The following PDLIM3 variants were observed in gnomAD, a reference collection of about 807,000 sequenced individuals.
PDLIM3 encodes PDZ and LIM domain protein 3.
PDLIM3 carries 36 observed loss-of-function variants against 37.3 expected under a neutral mutation model. The observed-to-expected ratio is 0.97, with a 90% confidence interval of 0.74 to 1.28. The LOEUF (loss-of-function observed/expected upper bound fraction) is 1.28, where lower values mean the gene tolerates loss of function less well. PDLIM3 is among the 50% of genes most tolerant of loss of function. The pLI is 0.00. For missense variants in PDLIM3, 454 were observed against 485.0 expected, an observed-to-expected ratio of 0.94 and a Z score of 0.60; for synonymous variants, 174 against 182.4, an observed-to-expected ratio of 0.95 and a Z score of 0.37.
rs527486529 is a variant in PDLIM3, at chr4:185,535,284, C to G, written c.93+58G>C. 5.5e-4 allele frequency: 803 copies of G among 1,459,638 alleles called. 3 individuals carry two copies. In the African/African-American group the frequency reaches 0.01, roughly 18 times the overall value. The allele number at this position is 1,459,638 out of a possible 1,614,324, so 90.4% of individuals were successfully genotyped here. On this transcript the variant is annotated intron_variant, in intron 1 of 7. Coordinates refer to ENST00000284767, the MANE Select transcript of PDLIM3 (RefSeq NM_014476.6). ...TCGGCCCCGGGGCATCCACTGCGTC[C>G]CCCCGGACGCCGCCGGAGTCCCCAC...
chr4:185,521,396 TTTC>T (rs1303842169), intron 3 of PDLIM3, among the ~76,000 whole-genome samples: 1 of 19,196 alleles, frequency 5.2e-5, no homozygotes, highest in African/African-American at 6.4e-5. Flanking sequence ...TTTCTTTTCT[TTTC>T]TTTTTTTTTT....
chr4:185,525,274 T>C (rs2095731181), intron 1 of PDLIM3, 103 bp from the exon 2 acceptor site: 2 of 1,141,066 alleles, frequency 1.8e-6, no homozygotes, highest in Non-Finnish European at 2.6e-6. Context: ...AAATGTTTAA[T>C]TGGGCAGAAA....
Position 185,513,421 on chromosome 4 carries a change from C to T in PDLIM3, c.398+849G>A, listed in dbSNP as rs1040651980. 6.3e-6 allele frequency: 6 copies of T among 945,432 alleles called. No individual in the cohort carries two copies. In the African/African-American group the frequency reaches 1.1e-4, roughly 17 times the overall value. 58.6% of individuals were successfully genotyped at this position (945,432 alleles called of 1,614,324 possible). On this transcript the variant is annotated intron_variant, in intron 4 of 7. Coordinates refer to ENST00000284767, the MANE Select transcript of PDLIM3 (RefSeq NM_014476.6). ...TGTCTAGAGGGGCCAGGAGGTCACA[C>T]ATGTATGAAAATGGGCCGTGTCTCA...
chr4:185,514,614 A>G lies in PDLIM3; in HGVS notation c.331-277T>C, dbSNP rs541023316. On this transcript the variant is annotated intron_variant, in intron 3 of 7. Coordinates refer to ENST00000284767, the MANE Select transcript of PDLIM3 (RefSeq NM_014476.6). The surrounding 1 kb of genome is among the most constrained non-coding windows in gnomAD (Gnocchi z 4.0). ...ATAGTGCCTTCAGGAAAGTAAAAAT[A>G]AAACAGCAAGAGCTGGACTTTTGAA... 2.9e-5 allele frequency: 39 copies of G among 1,363,694 alleles called. No homozygotes were observed. In the Middle Eastern group the frequency reaches 5.9e-4, roughly 21 times the overall value. 84.5% of individuals were successfully genotyped at this position (1,363,694 alleles called of 1,614,324 possible).
At chr4:185,526,540 T>C (rs767470738) in intron 1 of PDLIM3, among the ~76,000 whole-genome samples, 15 of 152,206 alleles carry the variant, frequency 9.9e-5, no homozygotes, top group Non-Finnish European at 1.8e-4. Context: ...AATAGGAAGT[T>C]TGTAATTATT....
In PDLIM3 at chr4:185,509,569, T is replaced by C. The variant is rs909263591; in HGVS notation, c.399-1007A>G. On this transcript the variant is annotated intron_variant, in intron 4 of 7. Transcript: ENST00000284767. ...TGCTAGTGACTAAAAAGTCCATTTT[T>C]CCACATGCATGAGAGATACCAAGAG... 3.3e-5 allele frequency among the ~76,000 whole-genome samples: 5 copies of C among 152,106 alleles called. 1 individual carries two copies. Among genetic ancestry groups the C allele is most frequent in the African/African-American group, 1.2e-4 (5 of 41,408 alleles).
At chr4:185,511,511 C>T (rs531785966) in intron 4 of PDLIM3, among the ~76,000 whole-genome samples, 2 of 152,220 alleles carry the variant, frequency 1.3e-5, no homozygotes, top group South Asian at 4.2e-4. Context: ...CAGGCATGTG[C>T]CACCATGCCC....
At chr4:185,534,533 G>A (rs1468360500) in intron 1 of PDLIM3, among the ~76,000 whole-genome samples, 1 of 152,202 alleles carries the variant, frequency 6.6e-6, no homozygotes, top group African/African-American at 2.4e-5. Flanking sequence ...ACTGACAGGA[G>A]AGAAACCCTG....
chr4:185,534,335 A>T (rs1465763200), intron 1 of PDLIM3, among the ~76,000 whole-genome samples: 1 of 152,262 alleles, frequency 6.6e-6, no homozygotes, highest in Non-Finnish European at 1.5e-5. Context: ...GCATGAGAAG[A>T]ATACAAGAAA....
rs1054542356 is a variant in PDLIM3 at position 185,504,674 on chromosome 4, C to T, written c.794-88G>A. Reference sequence around the variant, plus strand: ...TCTATTTTAAAGTGTGCACTTTAACCTGAAGTTGCATCTGCACCGTCATTC... The same window carrying T: ...TCTATTTTAAAGTGTGCACTTTAACTTGAAGTTGCATCTGCACCGTCATTC... On this transcript the variant is annotated intron_variant, in intron 6 of 7. Transcript: ENST00000284767. This position sits in a 1 kb window ranked among gnomAD's most constrained non-coding sequence, Gnocchi z 4.7. 20 of 1,026,326 alleles carry T rather than the reference C, an allele frequency of 1.9e-5. No homozygotes were observed. Among genetic ancestry groups the T allele is most frequent in the Non-Finnish European group, 2.7e-5 (18 of 670,302 alleles). The allele number at this position is 1,026,326 out of a possible 1,614,324, so 63.6% of individuals were successfully genotyped here.
At chr4:185,516,606 C>T (rs1189901539) in intron 3 of PDLIM3, 5 of 152,190 alleles carry the variant, frequency 3.3e-5, no homozygotes, top group Admixed American at 2.6e-4. Flanking sequence ...CTACAAAACG[C>T]TTTCTTTCAG....
At chr4:185,507,592 A>G (rs772051165) in intron 5 of PDLIM3, among the ~76,000 whole-genome samples, 6 of 152,164 alleles carry the variant, frequency 3.9e-5, no homozygotes, top group Admixed American at 6.5e-5. Flanking sequence ...TTTAATTTAT[A>G]AATAGTGATT....
chr4:185,514,531 T>C lies in PDLIM3; in HGVS notation c.331-194A>G, dbSNP rs1025358902. 8 of 1,291,632 alleles carry C rather than the reference T, an allele frequency of 6.2e-6. No homozygotes were observed. Among genetic ancestry groups the C allele is most frequent in the South Asian group, 4.1e-5 (3 of 73,522 alleles). 80.0% of individuals were successfully genotyped at this position (1,291,632 alleles called of 1,614,324 possible). A position where few individuals can be genotyped will look rare whatever the true frequency, so the allele number is the denominator to read the frequency against. On this transcript the variant is annotated intron_variant, in intron 3 of 7. Transcript: ENST00000284767. This position sits in a 1 kb window ranked among gnomAD's most constrained non-coding sequence, Gnocchi z 4.0. ...CGCTAAACGGTCAGGCACTGGCGGATTGGACCCCACAACAATTAGAACATG... is the reference window on the plus strand; with the variant it reads ...CGCTAAACGGTCAGGCACTGGCGGACTGGACCCCACAACAATTAGAACATG...
rs190545137 is a variant in PDLIM3 at position 185,504,400 on chromosome 4, A to G, written c.905+75T>C. On this transcript the variant is annotated intron_variant, in intron 7 of 7. Transcript: ENST00000284767. The surrounding 1 kb of genome is among the most constrained non-coding windows in gnomAD (Gnocchi z 4.7). Reference sequence around the variant, plus strand: ...TGGTTTTCACAGTTGCCTTTAGTCTATAAAGTCTTAAAGGAGAAGAAATGA... The same window carrying G: ...TGGTTTTCACAGTTGCCTTTAGTCTGTAAAGTCTTAAAGGAGAAGAAATGA... 2 of 1,260,564 alleles carry G rather than the reference A, an allele frequency of 1.6e-6. No individual in the cohort carries two copies. Among genetic ancestry groups the G allele is most frequent in the East Asian group, 2.4e-5 (1 of 41,396 alleles). The allele number at this position is 1,260,564 out of a possible 1,614,324, so 78.1% of individuals were successfully genotyped here.
At position 185,525,071 on chromosome 4, in the gene PDLIM3, GCATCAGCATGAGTCATGGACT is replaced by G; in HGVS notation, c.173_193del (p.Glu58_Asp64del). On this transcript the variant is annotated inframe_deletion, in exon 2 of 8. Coordinates refer to ENST00000284767, the MANE Select transcript of PDLIM3 (RefSeq NM_014476.6). ...AGCTGCTGCTTTAATCCTGTCCTGC[GCATCAGCATGAGTCATGGACT>G]CTGTCCCAAAGCCGTCAATAGCCAG... is the stretch of plus-strand genomic sequence containing the variant. 6.2e-7 allele frequency: 1 copy of G among 1,614,034 alleles called. No individual in the cohort carries two copies. The highest frequency in any genetic ancestry group is 8.5e-7 in the Non-Finnish European group (1 of 1,179,928).
rs1242648277 is a variant in PDLIM3, at chr4:185,514,965, A to G, written c.331-628T>C. ...ATTAGTGAGCGAAACCAACAGCATC[A>G]CTACTGTTAATAAAGGCATCTTTAC... On this transcript the variant is annotated intron_variant, in intron 3 of 7. Transcript: ENST00000284767. This position sits in a 1 kb window ranked among gnomAD's most constrained non-coding sequence, Gnocchi z 4.0. 6.8e-6 allele frequency: 8 copies of G among 1,171,122 alleles called. No individual in the cohort carries two copies. The highest frequency in any genetic ancestry group is 2.6e-5 in the East Asian group (1 of 38,564). 72.5% of individuals were successfully genotyped at this position (1,171,122 alleles called of 1,614,324 possible). A position where few individuals can be genotyped will look rare whatever the true frequency, so the allele number is the denominator to read the frequency against.
chr4:185,522,228 C>G lies in PDLIM3; in HGVS notation c.330+1134G>C, dbSNP rs1298820010. On this transcript the variant is annotated intron_variant, in intron 3 of 7. Transcript: ENST00000284767. ...CTAACTATCTCACCAGCAAGAAACG[C>G]CAGGAGACTTTCGGATCCCAGCCTG... Among the ~76,000 whole-genome samples, 5 of 66,570 alleles carry G rather than the reference C, an allele frequency of 7.5e-5. 2 individuals are homozygous for G. The highest frequency in any genetic ancestry group is 1.4e-4 in the African/African-American group (5 of 36,540). The allele number at this position is 66,570 out of a possible 152,430, so 43.7% of individuals were successfully genotyped here. A position where few individuals can be genotyped will look rare whatever the true frequency, so the allele number is the denominator to read the frequency against.
At chr4:185,503,187 G>C (rs4862541) in intron 7 of PDLIM3, among the ~76,000 whole-genome samples, 6 of 151,464 alleles carry the variant, frequency 4.0e-5, no homozygotes, top group Non-Finnish European at 7.4e-5. Context: ...TCGCGCCACT[G>C]CACTCCAGCC....
chr4:185,533,860 T>G (rs1170578724), intron 1 of PDLIM3, among the ~76,000 whole-genome samples: 4 of 152,220 alleles, frequency 2.6e-5, no homozygotes, highest in African/African-American at 4.8e-5. Flanking sequence ...ACAAAATTAT[T>G]TTGGTTAGAA....
Sources: allele counts gnomAD v4.1 joint callset (sites outside exome capture counted in the v4.1 genomes callset), GRCh38; gene constraint gnomAD v4.1.1; non-coding constraint Gnocchi (gnomAD v3.1); transcripts MANE v1.5; gene names NCBI Gene and HGNC (gene_info 2026-07-23, HGNC 2026-07-21).